Variants in NWD2 observed in about 807,000 individuals in gnomAD.
NWD2 encodes NACHT and WD repeat domain containing 2.
A neutral mutation model predicts 132.7 loss-of-function variants in NWD2; 37 were observed. That is an observed-to-expected ratio of 0.28 (90% CI 0.21 to 0.37). NWD2 has a LOEUF of 0.37. Ranked by LOEUF, NWD2 falls within the 10% of genes least tolerant of loss-of-function variation. NWD2 has a pLI of 1.00. For missense variants in NWD2, 1,592 were observed against 2,122.4 expected, an observed-to-expected ratio of 0.75 and a Z score of 4.91; for synonymous variants, 705 against 803.0, an observed-to-expected ratio of 0.88 and a Z score of 2.06.
chr4:37,366,471 A>G (rs867654078), intron 3 of NWD2, among the ~76,000 whole-genome samples: 1 of 152,156 alleles, frequency 6.6e-6, no homozygotes. Context: ...TCAAGAAACT[A>G]TGACTAATTT....
At chr4:37,368,177 C>CT (rs1720138279) in intron 3 of NWD2, among the ~76,000 whole-genome samples, 1 of 152,144 alleles carries the variant, frequency 6.6e-6, no homozygotes, top group Non-Finnish European at 1.5e-5. Context: ...AAAACTTGGA[C>CT]TTTTTCATCT....
intron 1 of NWD2, among the ~76,000 whole-genome samples, chr4:37,281,200 T>C (rs1195190999): frequency 6.6e-6 from 1 of 152,134 alleles, no homozygotes; most frequent in Non-Finnish European, 1.5e-5. Flanking sequence ...ATTGCAGGAC[T>C]CCAGTTCAGA....
intron 2 of NWD2, among the ~76,000 whole-genome samples, chr4:37,338,740 T>A (rs1719461499): frequency 6.6e-6 from 1 of 152,216 alleles, no homozygotes; most frequent in Non-Finnish European, 1.5e-5. Context: ...TGTAACACCT[T>A]TCTTCCACCG....
intron 1 of NWD2, among the ~76,000 whole-genome samples, chr4:37,251,509 G>A (rs1247348057): frequency 3.9e-5 from 6 of 152,196 alleles, no homozygotes. Flanking sequence ...TGTCAAAGCT[G>A]CCACCCAGAG....
intron 2 of NWD2, among the ~76,000 whole-genome samples, chr4:37,338,665 T>C (rs1450616237): frequency 6.6e-6 from 1 of 152,200 alleles, no homozygotes; most frequent in East Asian, 1.9e-4. Flanking sequence ...TATATTAGCG[T>C]GGCCTTACTA....
intron 1 of NWD2, among the ~76,000 whole-genome samples, chr4:37,273,935 G>A (rs547394140): frequency 9.2e-5 from 14 of 152,172 alleles, no homozygotes; most frequent in African/African-American, 3.4e-4. Flanking sequence ...AAAGCAGTGT[G>A]TAGAGGGAAA....
intron 3 of NWD2, among the ~76,000 whole-genome samples, chr4:37,378,889 ATTTGT>A (rs767611496): frequency 1.2e-3 from 185 of 152,356 alleles, no homozygotes; most frequent in African/African-American, 4.1e-3. Context: ...GGGAACAAAC[ATTTGT>A]TTTGATAGTT....
intron 3 of NWD2, among the ~76,000 whole-genome samples, chr4:37,401,871 C>A (rs1720902329): frequency 6.6e-6 from 1 of 152,178 alleles, no homozygotes; most frequent in Admixed American, 6.5e-5. Context: ...GAAAAACCTT[C>A]CTCTGTGTTC....
chr4:37,296,501 C>T (rs887221104), intron 1 of NWD2, among the ~76,000 whole-genome samples: 3 of 152,130 alleles, frequency 2.0e-5, no homozygotes, highest in African/African-American at 7.2e-5. Flanking sequence ...CACGGAATAC[C>T]ACTCAGCCAT....
Position 37,443,999 on chromosome 4 carries a change from G to T in NWD2, c.2011G>T (p.Gly671Cys). The T allele has an allele frequency of 6.4e-7, 1 of 1,552,210 alleles. No individual in the cohort carries two copies. The highest frequency in any genetic ancestry group is 8.7e-7 in the Non-Finnish European group (1 of 1,147,138). ...TGGTTACATCACCATGGCCAAAATG[G>T]GTCTGAGTGAAATGGAACTGGAGGA... ...ALGYITMAKM[G>C]LSEMELEDVL... The change falls in exon 7 of 7, where the codon GGT (glycine) becomes TGT (cysteine). Residue 671 changes from glycine to cysteine, a missense_variant. Around this residue, in one of 7 missense-constraint regions of NWD2, gnomAD observed 1,071 missense variants for 1,398.0 expected, o/e 0.77. Coordinates refer to ENST00000309447, the MANE Select transcript of NWD2 (RefSeq NM_001144990.2). The surrounding 1 kb of genome is among the most constrained non-coding windows in gnomAD (Gnocchi z 4.1).
At chr4:37,325,793 C>T (rs1427206370) in intron 1 of NWD2, 143 bp from the exon 2 acceptor site, 9 of 568,392 alleles carry the variant, frequency 1.6e-5, no homozygotes, top group Non-Finnish European at 2.5e-5. Context: ...TCTACACCAA[C>T]AGCCAAATAT....
At chr4:37,256,820 A>G (rs1340720254) in intron 1 of NWD2, among the ~76,000 whole-genome samples, 1 of 152,158 alleles carries the variant, frequency 6.6e-6, no homozygotes, top group Non-Finnish European at 1.5e-5. Context: ...AAAGGATAAG[A>G]GCATTCATAA....
At chr4:37,281,450 G>T (rs559576926) in intron 1 of NWD2, among the ~76,000 whole-genome samples, 1 of 152,222 alleles carries the variant, frequency 6.6e-6, no homozygotes, top group South Asian at 2.1e-4. Context: ...CTCATGGGAT[G>T]AAAGGAAAGA....
intron 1 of NWD2, among the ~76,000 whole-genome samples, chr4:37,312,183 G>A (rs1340087644): frequency 6.6e-6 from 1 of 151,586 alleles, no homozygotes; most frequent in Non-Finnish European, 1.5e-5. Context: ...TTGGTAGCTT[G>A]ATGGGGATGG....
chr4:37,260,534 T>C (rs893276693), intron 1 of NWD2, among the ~76,000 whole-genome samples: 1 of 152,076 alleles, frequency 6.6e-6, no homozygotes, highest in African/African-American at 2.4e-5. Flanking sequence ...TGTAACAGAG[T>C]TTATCATGAT....
intron 1 of NWD2, among the ~76,000 whole-genome samples, chr4:37,270,297 A>G (rs1717842050): frequency 6.6e-6 from 1 of 151,898 alleles, no homozygotes; most frequent in African/African-American, 2.4e-5. Context: ...AGAGGTATTT[A>G]AAAATTAATT....
intron 1 of NWD2, among the ~76,000 whole-genome samples, chr4:37,260,574 A>G (rs1349455358): frequency 1.3e-5 from 2 of 152,216 alleles, no homozygotes; most frequent in Non-Finnish European, 2.9e-5. Flanking sequence ...TTGAAACTAC[A>G]GTGTATTCAT....
chr4:37,326,817 G>C (rs1719182178), intron 2 of NWD2, among the ~76,000 whole-genome samples: 1 of 152,192 alleles, frequency 6.6e-6, no homozygotes, highest in African/African-American at 2.4e-5. Context: ...TGGTGCAGAA[G>C]TGCAAAATGC....
At position 37,311,554 on chromosome 4, in the gene NWD2, G is replaced by A. The variant is rs541549215; in HGVS notation, c.152-14382G>A. 1.4e-3 allele frequency among the ~76,000 whole-genome samples: 207 copies of A among 149,090 alleles called. 2 individuals carry two copies. In the South Asian group the frequency reaches 0.04, roughly 29 times the overall value. On this transcript the variant is annotated intron_variant, in intron 1 of 6. Transcript: ENST00000309447. Reference sequence around the variant, plus strand: ...TATTAGCCCTTTGTCAGATGAGTAGGTTGCAAAAATTTTCTCCCATTTTGT... The same window carrying A: ...TATTAGCCCTTTGTCAGATGAGTAGATTGCAAAAATTTTCTCCCATTTTGT...
Sources: gnomAD v4.1 joint callset for allele counts (sites outside exome capture counted in the v4.1 genomes callset) on GRCh38, gnomAD v4.1.1 for gene constraint, gnomAD v4.1.1 regional missense constraint, Gnocchi (gnomAD v3.1) non-coding constraint, MANE v1.5 for transcripts, NCBI Gene and HGNC (gene_info 2026-07-23, HGNC 2026-07-21) for gene names.